CORIN: variants seen among roughly 807,000 people sequenced by gnomAD.
CORIN encodes corin, serine peptidase.
CORIN carries 117 observed loss-of-function variants against 125.3 expected under a neutral mutation model. That is an observed-to-expected ratio of 0.93 (90% confidence interval 0.80 to 1.09). CORIN has a LOEUF of 1.09. CORIN is among the 50% of genes least tolerant of loss of function. The pLI is 0.00. For missense variants in CORIN, 1,253 were observed against 1,306.7 expected, an observed-to-expected ratio of 0.96 and a Z score of 0.63; for synonymous variants, 450 against 466.4, an observed-to-expected ratio of 0.96 and a Z score of 0.45.
At chr4:47,703,248 C>G (rs560464368) in intron 5 of CORIN, among the ~76,000 whole-genome samples, 1 of 152,102 alleles carries the variant, frequency 6.6e-6, no homozygotes, top group Non-Finnish European at 1.5e-5. Context: ...ATGCAGCAGC[C>G]GGTAGTGACA....
chr4:47,757,905 T>TATATATATACAC (rs1471519610), intron 4 of CORIN, among the ~76,000 whole-genome samples: 1 of 141,688 alleles, frequency 7.1e-6, no homozygotes, highest in African/African-American at 2.7e-5. Flanking sequence ...TATATATATA[T>TATATATATACAC]ACACAAATAT....
intron 2 of CORIN, among the ~76,000 whole-genome samples, chr4:47,792,537 G>T (rs969559198): frequency 4.6e-5 from 7 of 152,134 alleles, no homozygotes; most frequent in African/African-American, 1.7e-4. Context: ...TGAGAGAAAG[G>T]TCCCTTCGAG....
intron 5 of CORIN, among the ~76,000 whole-genome samples, chr4:47,725,449 C>A (rs929275197): frequency 1.3e-5 from 2 of 151,956 alleles, no homozygotes; most frequent in African/African-American, 4.8e-5. Context: ...ACAGAATGAA[C>A]AGTCCAGAAA....
intron 19 of CORIN, among the ~76,000 whole-genome samples, chr4:47,616,812 T>C (rs1157606849): frequency 2.6e-5 from 4 of 152,120 alleles, no homozygotes; most frequent in Non-Finnish European, 5.9e-5. Context: ...TTCAAAAGAA[T>C]GGGGCTCAAG....
rs575054982 is a variant in CORIN at position 47,696,937 on chromosome 4, G to A, written c.800-3854C>T. 1.8e-4 allele frequency among the ~76,000 whole-genome samples: 28 copies of A among 152,206 alleles called. No homozygotes were observed. In the South Asian group the frequency reaches 3.7e-3, roughly 20 times the overall value. On this transcript the variant is annotated intron_variant, in intron 5 of 21. Coordinates refer to ENST00000273857, the MANE Select transcript of CORIN (RefSeq NM_006587.4). ...TCCACCAGCCTGCCACGGACTGTATGGTGCCCTTACTTGCCCTGTCTTTGA... is the reference window on the plus strand; with the variant it reads ...TCCACCAGCCTGCCACGGACTGTATAGTGCCCTTACTTGCCCTGTCTTTGA...
At chr4:47,656,207 G>A (rs570616132) in intron 12 of CORIN, among the ~76,000 whole-genome samples, 2 of 149,106 alleles carry the variant, frequency 1.3e-5, no homozygotes, top group African/African-American at 5.0e-5. Flanking sequence ...CCAGGCTGGA[G>A]TGCAATGGCA....
chr4:47,809,784 T>C (rs1210222212), intron 1 of CORIN, among the ~76,000 whole-genome samples: 2 of 152,206 alleles, frequency 1.3e-5, no homozygotes, highest in Non-Finnish European at 2.9e-5. Flanking sequence ...ACTTTCTTCT[T>C]GAATAACTTG....
chr4:47,799,112 T>G (rs1009935298), intron 2 of CORIN, among the ~76,000 whole-genome samples: 1 of 149,522 alleles, frequency 6.7e-6, no homozygotes, highest in Middle Eastern at 3.5e-3. Flanking sequence ...ATGGGGTGTG[T>G]GTGTGTGTGT....
At chr4:47,725,786 T>G (rs1026787776) in intron 5 of CORIN, among the ~76,000 whole-genome samples, 1 of 152,062 alleles carries the variant, frequency 6.6e-6, no homozygotes, top group Non-Finnish European at 1.5e-5. Context: ...TGAAAGACAC[T>G]GTGAAGAGAA....
chr4:47,706,242 T>C, intron 5 of CORIN: 2 of 620,850 alleles, frequency 3.2e-6, no homozygotes, highest in East Asian at 2.7e-5. Context: ...ATGAAATTCT[T>C]CACAGCTGTA....
chr4:47,654,761 T>G (rs182233200), intron 12 of CORIN, among the ~76,000 whole-genome samples: 4 of 152,252 alleles, frequency 2.6e-5, no homozygotes, highest in Admixed American at 2.6e-4. Flanking sequence ...CTGCAATTCT[T>G]GGGCAAGTCC....
In CORIN at chr4:47,707,103, C is replaced by T. The variant is rs543849179; in HGVS notation, c.800-14020G>A. On this transcript the variant is annotated intron_variant, in intron 5 of 21. Transcript: ENST00000273857. ...TGCAGATGTTTCTTGAATGCTTTGT[C>T]AAATTAAGAAAGTTAAAGTGCAATA... 70 of 1,412,036 alleles carry T rather than the reference C, an allele frequency of 5.0e-5. No individual in the cohort carries two copies. In the African/African-American group the frequency reaches 9.4e-4, roughly 19 times the overall value. 87.5% of individuals were successfully genotyped at this position (1,412,036 alleles called of 1,614,324 possible).
At chr4:47,756,965 G>C (rs764575694) in intron 4 of CORIN, among the ~76,000 whole-genome samples, 7 of 152,116 alleles carry the variant, frequency 4.6e-5, no homozygotes, top group Admixed American at 3.9e-4. Context: ...AGGATCTGAG[G>C]TCTCAAAGGA....
chr4:47,597,209 A>C (rs1577722702), intron 21 of CORIN, among the ~76,000 whole-genome samples: 1 of 152,090 alleles, frequency 6.6e-6, no homozygotes, highest in East Asian at 1.9e-4. Flanking sequence ...AAAATTAGCC[A>C]GGTGTGGTTG....
chr4:47,678,870 T>C (rs1374029288), intron 8 of CORIN, among the ~76,000 whole-genome samples: 3 of 152,210 alleles, frequency 2.0e-5, no homozygotes, highest in African/African-American at 7.2e-5. Flanking sequence ...TCTAGTGAGA[T>C]ACAGTCCACT....
intron 4 of CORIN, among the ~76,000 whole-genome samples, chr4:47,750,473 T>C (rs1394871101): frequency 1.3e-5 from 2 of 152,164 alleles, no homozygotes; most frequent in Admixed American, 6.5e-5. Flanking sequence ...GAATGTTTAA[T>C]GAAGGGCTCT....
intron 2 of CORIN, among the ~76,000 whole-genome samples, chr4:47,791,531 T>A (rs1402274588): frequency 6.6e-6 from 1 of 152,202 alleles, no homozygotes; most frequent in African/African-American, 2.4e-5. Flanking sequence ...ATCAACTGAG[T>A]TAACCTTCCA....
At chr4:47,751,428 T>G (rs1209607489) in intron 4 of CORIN, among the ~76,000 whole-genome samples, 1 of 152,202 alleles carries the variant, frequency 6.6e-6, no homozygotes, top group Non-Finnish European at 1.5e-5. Flanking sequence ...CAATATTACT[T>G]CCTAAAAATC....
chr4:47,600,036 A>C (rs1050599334), intron 21 of CORIN, among the ~76,000 whole-genome samples, 178 bp downstream of exon 21: 1 of 152,216 alleles, frequency 6.6e-6, no homozygotes, highest in African/African-American at 2.4e-5. Context: ...GGATGGGTGT[A>C]ATTGTGGGGA....
Sources: gnomAD v4.1 joint callset for allele counts (sites outside exome capture counted in the v4.1 genomes callset) on GRCh38, gnomAD v4.1.1 for gene constraint, MANE v1.5 for transcripts, NCBI Gene and HGNC (gene_info 2026-07-23, HGNC 2026-07-21) for gene names.